The following EPHA3 variants were observed in gnomAD, a reference collection of about 807,000 sequenced individuals.
The protein encoded by EPHA3 is EPH receptor A3, also known as ephrin type-A receptor 3.
A neutral mutation model predicts 107.1 loss-of-function variants in EPHA3; 42 were observed. The ratio of observed to expected loss-of-function variants is 0.39; its 90% confidence interval spans 0.31 to 0.51. EPHA3 has a LOEUF of 0.51. Among genes scored for constraint, EPHA3 ranks in the 20% least tolerant of loss-of-function variants. EPHA3 has a pLI of 0.78. For missense variants in EPHA3, 1,183 were observed against 1,211.2 expected (o/e 0.98, Z 0.35); for synonymous variants, 461 against 424.8 (o/e 1.09, Z -1.05).
chr3:89,344,296 A>C (rs1249669518), intron 5 of EPHA3, among the ~76,000 whole-genome samples: 1 of 152,234 alleles, frequency 6.6e-6, no homozygotes, highest in African/African-American at 2.4e-5. Flanking sequence ...ACATTAAAAA[A>C]TAAATGAGAT....
chr3:89,285,348 G>C (rs1250096572), intron 3 of EPHA3, among the ~76,000 whole-genome samples: 3 of 151,948 alleles, frequency 2.0e-5, no homozygotes, highest in Admixed American at 2.0e-4. Flanking sequence ...TAGGTGCTAG[G>C]CAATTTTCTA....
intron 15 of EPHA3, among the ~76,000 whole-genome samples, chr3:89,460,823 C>CTCTCTTTTT (rs1199238290): frequency 9.7e-6 from 1 of 103,034 alleles, no homozygotes; most frequent in East Asian, 2.5e-4. Flanking sequence ...CTCTGTCTCT[C>CTCTCTTTTT]TTTTTTTTTT....
intron 3 of EPHA3, among the ~76,000 whole-genome samples, chr3:89,214,950 C>A (rs1576237335): frequency 6.6e-6 from 1 of 151,860 alleles, no homozygotes; most frequent in Non-Finnish European, 1.5e-5. Flanking sequence ...AGGTTTTGTT[C>A]ATATTGTGTT....
chr3:89,299,105 CTTTAAG>C (rs1706426573), intron 3 of EPHA3, among the ~76,000 whole-genome samples: 1 of 151,964 alleles, frequency 6.6e-6, no homozygotes, highest in Non-Finnish European at 1.5e-5. Flanking sequence ...ATTTTAGAAA[CTTTAAG>C]TTTGTCTTTT....
intron 15 of EPHA3, among the ~76,000 whole-genome samples, chr3:89,466,494 G>A (rs1156581956): frequency 3.0e-5 from 4 of 133,386 alleles, no homozygotes; most frequent in South Asian, 2.2e-4. Context: ...CTCCGTGGGC[G>A]TAGGACCCTC....
intron 2 of EPHA3, among the ~76,000 whole-genome samples, chr3:89,151,442 A>C (rs1704688311): frequency 6.6e-6 from 1 of 152,056 alleles, no homozygotes; most frequent in Non-Finnish European, 1.5e-5. Context: ...GCTGTACAGG[A>C]AATCTGGCAT....
intron 3 of EPHA3, among the ~76,000 whole-genome samples, chr3:89,325,197 A>G (rs947144717): frequency 1.3e-4 from 20 of 152,076 alleles, no homozygotes; most frequent in African/African-American, 4.6e-4. Flanking sequence ...TTTATTTTAT[A>G]CTCTCTTCCA....
At position 89,163,662 on chromosome 3, in the gene EPHA3, G is replaced by C. The variant is rs1271299684; in HGVS notation, c.153+36389G>C. On this transcript the variant is annotated intron_variant, in intron 2 of 16. Transcript: ENST00000336596. ...TGTGAGTATCTTAACTACACACCTG[G>C]GAAATCGAGGACTCTTGTCCGATTT... 4.6e-5 allele frequency among the ~76,000 whole-genome samples: 7 copies of C among 152,176 alleles called. No individual in the cohort carries two copies. The East Asian group carries it at 1.2e-3, about 25-fold the overall frequency.
intron 5 of EPHA3, among the ~76,000 whole-genome samples, chr3:89,391,386 T>C (rs1708730058): frequency 6.9e-6 from 1 of 144,164 alleles, no homozygotes; most frequent in Admixed American, 7.0e-5. Flanking sequence ...TGTATTTTTT[T>C]CTTTTCTTTT....
intron 3 of EPHA3, among the ~76,000 whole-genome samples, chr3:89,270,375 G>T (rs556585964): frequency 6.6e-6 from 1 of 151,876 alleles, no homozygotes; most frequent in Non-Finnish European, 1.5e-5. Context: ...GGACTTCCAC[G>T]CACTGTCTAC....
At chr3:89,383,712 G>T (rs1229707113) in intron 5 of EPHA3, among the ~76,000 whole-genome samples, 1 of 139,948 alleles carries the variant, frequency 7.1e-6, no homozygotes, top group African/African-American at 2.7e-5. Context: ...GCAGTGGCGC[G>T]ATCTCGGCTC....
intron 5 of EPHA3, among the ~76,000 whole-genome samples, chr3:89,357,890 T>A (rs1214011060): frequency 3.3e-5 from 5 of 151,322 alleles, no homozygotes; most frequent in African/African-American, 4.8e-5. Flanking sequence ...CCCTGAGGTA[T>A]GTTTCCATTC....
At chr3:89,202,515 C>CAAAA (rs375753577) in intron 2 of EPHA3, among the ~76,000 whole-genome samples, 3 of 116,896 alleles carry the variant, frequency 2.6e-5, no homozygotes, top group African/African-American at 7.2e-5. Flanking sequence ...GACTCTGTCT[C>CAAAA]AAAAAAAAAA....
rs138151560 is a variant in EPHA3, at chr3:89,248,261, C to T, written c.814+37741C>T. Among the ~76,000 whole-genome samples, 158 of 152,216 alleles carry T rather than the reference C, an allele frequency of 1.0e-3. 1 individual carries two copies. The highest frequency in any genetic ancestry group is 6.8e-3 in the Middle Eastern group (2 of 294). On this transcript the variant is annotated intron_variant, in intron 3 of 16. Coordinates refer to ENST00000336596, the MANE Select transcript of EPHA3 (RefSeq NM_005233.6). Reference sequence around the variant, plus strand: ...TTTATAGCATGAGACCTCCACGTTACCAGACAGATGATGATTTTTCTCAAC... The same window carrying T: ...TTTATAGCATGAGACCTCCACGTTATCAGACAGATGATGATTTTTCTCAAC...
At chr3:89,192,441 A>G (rs1705742332) in intron 2 of EPHA3, among the ~76,000 whole-genome samples, 1 of 151,920 alleles carries the variant, frequency 6.6e-6, no homozygotes, top group African/African-American at 2.4e-5. Flanking sequence ...AATATAAATA[A>G]AAGGTAAAAT....
intron 16 of EPHA3, among the ~76,000 whole-genome samples, chr3:89,476,224 T>TTA (rs537350448): frequency 0.017 from 2,530 of 146,992 alleles, 81 homozygotes; most frequent in African/African-American, 0.057. Context: ...TATAAGCATA[T>TTA]TATATATATA....
Position 89,472,444 on chromosome 3 carries a change from T to G in EPHA3, c.2691-20T>G. The stretch of plus-strand genomic sequence containing the variant: ...TGCTGACTCCTGATCTGTCTCCCTT[T>G]GGTGTTTTTTTTCTTGCAGGCCATC... On this transcript the variant is annotated intron_variant, in intron 15 of 16. Coordinates refer to ENST00000336596, the MANE Select transcript of EPHA3 (RefSeq NM_005233.6). The G allele has an allele frequency of 6.2e-7, 1 of 1,603,036 alleles. No individual in the cohort carries two copies. Among genetic ancestry groups the G allele is most frequent in the Non-Finnish European group, 8.5e-7 (1 of 1,174,728 alleles).
intron 3 of EPHA3, among the ~76,000 whole-genome samples, chr3:89,295,992 C>T (rs766794725): frequency 2.6e-5 from 4 of 152,202 alleles, no homozygotes; most frequent in Non-Finnish European, 5.9e-5. Flanking sequence ...AACTCCTCAT[C>T]CACTGAAGTT....
In EPHA3 at chr3:89,181,120, C is replaced by T. The variant is rs114981970; in HGVS notation, c.154-28740C>T. On this transcript the variant is annotated intron_variant, in intron 2 of 16. Coordinates refer to ENST00000336596, the MANE Select transcript of EPHA3 (RefSeq NM_005233.6). ...GAGTTTGACAGACTTAAGTAATCTC[C>T]TAGTTTTATTTAAATGACTTTTGTA... Among the ~76,000 whole-genome samples the T allele has an allele frequency of 5.6e-3, 854 of 151,948 alleles. 6 individuals carry two copies. Among genetic ancestry groups the T allele is most frequent in the African/African-American group, 0.019 (799 of 41,486 alleles).
Sources: gnomAD v4.1 joint callset for allele counts (sites outside exome capture counted in the v4.1 genomes callset) on GRCh38, gnomAD v4.1.1 for gene constraint, MANE v1.5 for transcripts, NCBI Gene and HGNC (gene_info 2026-07-23, HGNC 2026-07-21) for gene names.